SLC4A4: variants seen among roughly 807,000 people sequenced by gnomAD.
SLC4A4 encodes the protein electrogenic sodium bicarbonate cotransporter 1.
Under a neutral mutation model 111.5 loss-of-function variants are expected in SLC4A4, and 27 were observed. That is an observed-to-expected ratio of 0.24 (90% CI 0.18 to 0.33). The LOEUF (loss-of-function observed/expected upper bound fraction) is 0.33, where lower values mean the gene tolerates loss of function less well. Ranked by LOEUF, SLC4A4 falls within the 10% of genes least tolerant of loss-of-function variation. The probability of loss-of-function intolerance (pLI) is 1.00; values close to 1 mark genes in which losing one functional copy is unlikely to be tolerated. For missense variants in SLC4A4, 909 were observed against 1,315.5 expected, an observed-to-expected ratio of 0.69 and a Z score of 4.78; for synonymous variants, 443 against 463.4, an observed-to-expected ratio of 0.96 and a Z score of 0.57.
intron 2 of SLC4A4, among the ~76,000 whole-genome samples, chr4:71,145,005 A>G (rs2148968462): frequency 6.6e-6 from 1 of 152,176 alleles, no homozygotes. Context: ...GTGGTGAGAG[A>G]GGGCATCCGT....
At chr4:71,480,338 G>A (rs144259588) in intron 14 of SLC4A4, among the ~76,000 whole-genome samples, 182 of 150,602 alleles carry the variant, frequency 1.2e-3, no homozygotes, top group African/African-American at 4.3e-3. Context: ...ATTAAGTCTT[G>A]CTGAAAATAC....
chr4:71,188,618 AAATT>A (rs1332321580), intron 1 of SLC4A4, among the ~76,000 whole-genome samples: 4 of 152,084 alleles, frequency 2.6e-5, no homozygotes, highest in Non-Finnish European at 2.9e-5. Flanking sequence ...TACCTGAATT[AAATT>A]AATTAAAGTG....
intron 16 of SLC4A4, among the ~76,000 whole-genome samples, chr4:71,515,685 A>G (rs1436094038): frequency 6.6e-6 from 1 of 152,146 alleles, no homozygotes; most frequent in African/African-American, 2.4e-5. Context: ...GAATTGTTAT[A>G]TCCTCTTCCT....
intron 1 of SLC4A4, among the ~76,000 whole-genome samples, chr4:71,084,410 CTTTTTTATTATACTT>C (rs1298565543): frequency 6.6e-6 from 1 of 151,830 alleles, no homozygotes; most frequent in Non-Finnish European, 1.5e-5. Context: ...ATTTTATTTT[CTTTTTTATTATACTT>C]TAAGTTTTAG....
intron 3 of SLC4A4, among the ~76,000 whole-genome samples, chr4:71,303,458 T>C (rs947299029): frequency 2.6e-5 from 4 of 152,222 alleles, no homozygotes; most frequent in Non-Finnish European, 5.9e-5. Flanking sequence ...TCTTCTGTTG[T>C]CTTGCTAATG....
At chr4:71,460,800 A>G (rs1381494836) in intron 12 of SLC4A4, among the ~76,000 whole-genome samples, 1 of 152,122 alleles carries the variant, frequency 6.6e-6, no homozygotes, top group African/African-American at 2.4e-5. Context: ...GGACTTAAAA[A>G]CATACTGAAT....
intron 6 of SLC4A4, among the ~76,000 whole-genome samples, chr4:71,361,608 T>A (rs985130091): frequency 1.3e-4 from 20 of 152,230 alleles, no homozygotes; most frequent in Non-Finnish European, 2.6e-4. Context: ...GATTTTTCCT[T>A]ACCTACTTTT....
intron 14 of SLC4A4, among the ~76,000 whole-genome samples, chr4:71,482,975 A>C (rs1394009427): frequency 6.6e-6 from 1 of 151,676 alleles, no homozygotes; most frequent in East Asian, 1.9e-4. Flanking sequence ...TGGGTATAAA[A>C]GTATACCCAT....
intron 16 of SLC4A4, among the ~76,000 whole-genome samples, chr4:71,507,884 A>G (rs1304683278): frequency 5.3e-5 from 8 of 152,214 alleles, no homozygotes; most frequent in Non-Finnish European, 1.0e-4. Flanking sequence ...TGAAATCATA[A>G]CAGTCCCTCG....
intron 18 of SLC4A4, among the ~76,000 whole-genome samples, chr4:71,545,853 C>T (rs919488266): frequency 6.6e-6 from 1 of 152,014 alleles, no homozygotes; most frequent in Admixed American, 6.6e-5. Context: ...AGGGTGCCTG[C>T]TTTCAAGGTG....
chr4:71,131,207 A>T (rs926580148), intron 2 of SLC4A4, among the ~76,000 whole-genome samples: 1 of 152,158 alleles, frequency 6.6e-6, no homozygotes, highest in Non-Finnish European at 1.5e-5. Context: ...AGAAAGAAAA[A>T]TTGACAGAAA....
chr4:71,327,203 A>G (rs1727570880), intron 3 of SLC4A4, among the ~76,000 whole-genome samples: 1 of 152,030 alleles, frequency 6.6e-6, no homozygotes, highest in Non-Finnish European at 1.5e-5. Context: ...TACATTCGCA[A>G]AATGCCTTTT....
chr4:71,334,973 T>A (rs1728317606), intron 3 of SLC4A4, among the ~76,000 whole-genome samples: 1 of 152,122 alleles, frequency 6.6e-6, no homozygotes, highest in African/African-American at 2.4e-5. Context: ...GGACAAAAGG[T>A]TGATTATCTG....
chr4:71,422,600 C>T (rs1291194215), intron 7 of SLC4A4, among the ~76,000 whole-genome samples: 1 of 152,006 alleles, frequency 6.6e-6, no homozygotes, highest in East Asian at 1.9e-4. Flanking sequence ...AAAATACTGG[C>T]AAACCAAATC....
intron 2 of SLC4A4, among the ~76,000 whole-genome samples, chr4:71,155,543 G>A (rs1464196348): frequency 3.3e-5 from 5 of 152,026 alleles, no homozygotes; most frequent in African/African-American, 1.2e-4. Flanking sequence ...GCTCACTGCA[G>A]CCTTGAACTC....
intron 2 of SLC4A4, among the ~76,000 whole-genome samples, chr4:71,242,510 A>G (rs1449490102): frequency 4.6e-5 from 7 of 152,124 alleles, no homozygotes; most frequent in Non-Finnish European, 1.5e-5. Flanking sequence ...TCTTTGTAAA[A>G]TGGGAGCAAT....
chr4:71,450,134 G>A (rs928897239), intron 9 of SLC4A4, among the ~76,000 whole-genome samples: 2 of 152,078 alleles, frequency 1.3e-5, no homozygotes, highest in African/African-American at 4.8e-5. Flanking sequence ...AGGCAATGTT[G>A]TTTTATATTA....
At chr4:71,282,842 G>A (rs1723632658) in intron 3 of SLC4A4, among the ~76,000 whole-genome samples, 1 of 151,986 alleles carries the variant, frequency 6.6e-6, no homozygotes, top group East Asian at 1.9e-4. Flanking sequence ...CTCCCAAAGT[G>A]CTGAGATTAC....
intron 7 of SLC4A4, among the ~76,000 whole-genome samples, chr4:71,417,718 G>A (rs975116330): frequency 1.3e-5 from 2 of 151,986 alleles, no homozygotes; most frequent in African/African-American, 2.4e-5. Flanking sequence ...AATTTTAAAG[G>A]TATCTTTACA....
Sources: gnomAD v4.1 joint callset for allele counts (sites outside exome capture counted in the v4.1 genomes callset) on GRCh38, gnomAD v4.1.1 for gene constraint, MANE v1.5 for transcripts, NCBI Gene and HGNC (gene_info 2026-07-23, HGNC 2026-07-21) for gene names.